NRAP: variants seen among roughly 807,000 people sequenced by gnomAD.
NRAP encodes the protein nebulin related anchoring protein.
In NRAP, 189 loss-of-function variants were observed where a neutral mutation model predicts 225.9. That is an observed-to-expected ratio of 0.84 (90% CI 0.74 to 0.94). The LOEUF (loss-of-function observed/expected upper bound fraction) is 0.94. NRAP is among the 40% of genes least tolerant of loss of function. NRAP has a pLI of 0.00. For missense variants in NRAP, 2,176 were observed against 2,168.7 expected (o/e 1.00, Z -0.07); for synonymous variants, 769 against 790.7 (o/e 0.97, Z 0.46).
Position 113,598,087 on chromosome 10 carries a change from A to AT in NRAP, c.4228-15_4228-14insA, listed in dbSNP as rs1236021641. ...CTTGTAGCGCAACTGCAGGGAAAAA[A>AT]ATCATGGGCTTTATCAGGAGAGTGC... On this transcript the variant is annotated splice_polypyrimidine_tract_variant and intron_variant, in intron 35 of 41. Coordinates refer to ENST00000359988, the MANE Select transcript of NRAP (RefSeq NM_198060.4). 1 of 1,559,126 alleles carries AT rather than the reference A, an allele frequency of 6.4e-7. No individual in the cohort carries two copies. The highest frequency in any genetic ancestry group is 1.4e-5 in the African/African-American group (1 of 73,728).
Position 113,589,154 on chromosome 10 carries a change from C to T in NRAP, c.5089-75G>A, listed in dbSNP as rs947778297. On this transcript the variant is annotated intron_variant, in intron 41 of 41. Transcript: ENST00000359988. ...ACTCCCGGCCCCGGTTCCCACAGGA[C>T]ACGCTAAGAAGCACAGGGAGCATTT... 20 of 1,231,024 alleles carry T rather than the reference C, an allele frequency of 1.6e-5. No individual in the cohort carries two copies. In the African/African-American group the frequency reaches 2.4e-4, roughly 15 times the overall value. 76.3% of individuals were successfully genotyped at this position (1,231,024 alleles called of 1,614,324 possible). A position where few individuals can be genotyped will look rare whatever the true frequency, so the allele number is the denominator to read the frequency against.
chr10:113,645,298 C>T (rs894324318), intron 11 of NRAP, among the ~76,000 whole-genome samples: 2 of 152,194 alleles, frequency 1.3e-5, no homozygotes, highest in Non-Finnish European at 2.9e-5. Context: ...ACTTCTGAAC[C>T]ACCAGAGAAA....
chr10:113,637,125 T>G (rs978395524), intron 14 of NRAP, among the ~76,000 whole-genome samples: 3 of 152,214 alleles, frequency 2.0e-5, no homozygotes, highest in Non-Finnish European at 1.5e-5. Flanking sequence ...GGTCTTGTAT[T>G]CATTTCATTT....
chr10:113,605,363 C>G (rs1214299459), intron 34 of NRAP, among the ~76,000 whole-genome samples: 2 of 152,238 alleles, frequency 1.3e-5, no homozygotes, highest in Non-Finnish European at 2.9e-5. Context: ...ACACAGCCAT[C>G]AAATCCTAAC....
chr10:113,636,079 A>C (rs964982735), intron 14 of NRAP, among the ~76,000 whole-genome samples: 2 of 152,130 alleles, frequency 1.3e-5, no homozygotes, highest in Non-Finnish European at 2.9e-5. Context: ...ACCACTGAAC[A>C]CCTCATTCAC....
chr10:113,656,143 T>C (rs1850295043), intron 4 of NRAP, among the ~76,000 whole-genome samples: 2 of 152,208 alleles, frequency 1.3e-5, no homozygotes, highest in African/African-American at 4.8e-5. Flanking sequence ...ATTTACAATC[T>C]ATTCTCTCTG....
intron 13 of NRAP, among the ~76,000 whole-genome samples, chr10:113,640,657 G>A (rs1366458251): frequency 6.6e-6 from 1 of 152,182 alleles, no homozygotes; most frequent in Non-Finnish European, 1.5e-5. Context: ...CAAGAAAATA[G>A]ATGGAAAGGT....
chr10:113,646,074 A>T, intron 10 of NRAP, 133 bp from the exon 11 acceptor site: 2 of 553,576 alleles, frequency 3.6e-6, no homozygotes. Context: ...AAAAATTCAC[A>T]TGGCCTTTTC....
chr10:113,635,114 CT>C (rs1157715056), intron 14 of NRAP, among the ~76,000 whole-genome samples: 2 of 152,224 alleles, frequency 1.3e-5, no homozygotes, highest in African/African-American at 4.8e-5. Flanking sequence ...GAATTTTCCC[CT>C]TTGAAAATAC....
intron 9 of NRAP, among the ~76,000 whole-genome samples, chr10:113,647,950 C>A (rs1165891383): frequency 6.6e-6 from 1 of 152,228 alleles, no homozygotes; most frequent in African/African-American, 2.4e-5. Context: ...TGACGGATAA[C>A]CCCTCCCTGG....
At position 113,588,896 on chromosome 10, in the gene NRAP, C is replaced by T. The variant is rs751515984; in HGVS notation, c.*79G>A. The T allele has an allele frequency of 1.3e-5, 15 of 1,133,078 alleles. No homozygotes were observed. The highest frequency in any genetic ancestry group is 2.7e-5 in the South Asian group (2 of 75,394). 70.2% of individuals were successfully genotyped at this position (1,133,078 alleles called of 1,614,324 possible). A position where few individuals can be genotyped will look rare whatever the true frequency, so the allele number is the denominator to read the frequency against. On this transcript the variant is annotated 3_prime_UTR_variant, in exon 42 of 42. Transcript: ENST00000359988. ...GGGCTGGTGGGCCATTCCAGCTTGC[C>T]GAAATCAAAGCCATCTGAAGCCTGT... is the stretch of plus-strand genomic sequence containing the variant.
At chr10:113,591,439 A>C (rs1198324078) in intron 39 of NRAP, among the ~76,000 whole-genome samples, 2 of 152,232 alleles carry the variant, frequency 1.3e-5, no homozygotes, top group African/African-American at 2.4e-5. Context: ...GTATTTGGTA[A>C]CACCCAACCT....
intron 9 of NRAP, among the ~76,000 whole-genome samples, chr10:113,648,781 T>C (rs898491271): frequency 1.3e-5 from 2 of 152,166 alleles, no homozygotes; most frequent in Non-Finnish European, 2.9e-5. Context: ...ATTTGTTATT[T>C]TCAGGACTGA....
rs754056782 is a variant in NRAP at position 113,634,155 on chromosome 10, G to T, written c.1484C>A (p.Pro495Gln). 1.1e-5 allele frequency: 18 copies of T among 1,613,740 alleles called. No individual in the cohort carries two copies. The East Asian group carries it at 2.7e-4, about 24-fold the overall frequency. ...ATTGATTTTGGCTTGAACAATCTGT[G>T]GGGTGTCAGTCACCGAGCTGTACTT... The part of the protein sequence containing the change: ...KLKYSSVTDT[P>Q]QIVQAKINAQ... Residue 495 changes from proline to glutamine, a missense_variant, in exon 15 of 42, where the codon CCA becomes CAA. Physicochemically the swap from Pro to Gln is moderately conservative, Grantham distance 76. Transcript: ENST00000359988.
At chr10:113,592,068 C>A in intron 39 of NRAP, 126 bp downstream of exon 39, 5 of 508,630 alleles carry the variant, frequency 9.8e-6, no homozygotes, top group South Asian at 4.2e-5. Flanking sequence ...AAATACAGTA[C>A]ATGTTCAGTT....
chr10:113,642,932 AC>A lies in NRAP; in HGVS notation c.1215+1del. 3.9e-6 allele frequency: 6 copies of A among 1,540,578 alleles called. No individual in the cohort carries two copies. Among genetic ancestry groups the A allele is most frequent in the Non-Finnish European group, 5.4e-6 (6 of 1,112,830 alleles). Reference sequence around the variant, plus strand: ...AACAAAAGCTTAGCGTTAACAACTCACATCACTGGTAAATTTTGAGATCTTG... The same window carrying A: ...AACAAAAGCTTAGCGTTAACAACTCAATCACTGGTAAATTTTGAGATCTTG... On this transcript the variant is annotated splice_donor_variant, in intron 12 of 41. Transcript: ENST00000359988. LOFTEE classifies it high-confidence loss of function.
chr10:113,611,609 A>G (rs1847326699), intron 30 of NRAP, among the ~76,000 whole-genome samples: 1 of 152,120 alleles, frequency 6.6e-6, no homozygotes, highest in African/African-American at 2.4e-5. Context: ...AGGAGTACAA[A>G]GACTCCTCAA....
chr10:113,644,256 C>T (rs1386674574), intron 11 of NRAP, among the ~76,000 whole-genome samples: 1 of 151,084 alleles, frequency 6.6e-6, no homozygotes, highest in Non-Finnish European at 1.5e-5. Flanking sequence ...AAGTCTCTAC[C>T]ACCCAGAATT....
intron 22 of NRAP, 76 bp from the exon 23 acceptor site, chr10:113,623,712 C>G: frequency 1.1e-6 from 1 of 920,914 alleles, no homozygotes; most frequent in Non-Finnish European, 1.7e-6. Flanking sequence ...TCTCTAGATT[C>G]TAATGACGAT....
Sources: gnomAD v4.1 joint callset for allele counts (sites outside exome capture counted in the v4.1 genomes callset) on GRCh38, gnomAD v4.1.1 for gene constraint, MANE v1.5 for transcripts, NCBI Gene and HGNC (gene_info 2026-07-23, HGNC 2026-07-21) for gene names.